SLC25A26: variants seen among roughly 807,000 people sequenced by gnomAD.
SLC25A26 encodes the protein solute carrier family 25 member 26, also known as mitochondrial S-adenosylmethionine carrier protein.
A neutral mutation model predicts 37.8 loss-of-function variants in SLC25A26; 36 were observed. The observed-to-expected ratio is 0.95, with a 90% CI of 0.73 to 1.26. SLC25A26 has a LOEUF of 1.26. SLC25A26 is among the 50% of genes most tolerant of loss of function. The probability of loss-of-function intolerance (pLI) is 0.00; values close to 1 mark genes in which losing one functional copy is unlikely to be tolerated. For synonymous variants in SLC25A26, 129 were observed against 122.5 expected (o/e 1.05, Z -0.35); for missense variants, 390 against 331.1 (o/e 1.18, Z -1.38).
At chr3:66,340,761 A>G (rs185656347) in intron 5 of SLC25A26, among the ~76,000 whole-genome samples, 52 of 152,206 alleles carry the variant, frequency 3.4e-4, no homozygotes, top group African/African-American at 1.2e-3. Context: ...AAATCTTGAA[A>G]TCAAATATTG....
At chr3:66,300,215 G>C (rs562504307) in intron 5 of SLC25A26, among the ~76,000 whole-genome samples, 13 of 148,526 alleles carry the variant, frequency 8.8e-5, no homozygotes, top group African/African-American at 2.7e-4. Flanking sequence ...TCCCGTTACA[G>C]TGAACTCCAG....
At chr3:66,156,140 T>A (rs755172125) in intron 1 of SLC25A26, among the ~76,000 whole-genome samples, 4 of 151,956 alleles carry the variant, frequency 2.6e-5, no homozygotes, top group Non-Finnish European at 5.9e-5. Context: ...ACAGGGAGGA[T>A]TGGAGACTGA....
At chr3:66,291,219 G>T (rs537139499) in intron 5 of SLC25A26, among the ~76,000 whole-genome samples, 1 of 151,888 alleles carries the variant, frequency 6.6e-6, no homozygotes, top group African/African-American at 2.4e-5. Context: ...TTCTTTATTT[G>T]TCTGGCTAGT....
rs1700754270 is a variant in SLC25A26 at position 66,377,675 on chromosome 3, T to TG, written c.708-14dup. On this transcript the variant is annotated splice_polypyrimidine_tract_variant and intron_variant, in intron 9 of 9. Coordinates refer to ENST00000354883, the MANE Select transcript of SLC25A26 (RefSeq NM_001379210.1). Reference sequence around the variant, plus strand: ...AAAATACGCACAACATTAAAAATCCTGTTTTTTCCCCTAGATTATTTGCAG... The same window carrying TG: ...AAAATACGCACAACATTAAAAATCCTGGTTTTTTCCCCTAGATTATTTGCAG... The TG allele has an allele frequency of 6.3e-7, 1 of 1,598,854 alleles. No homozygotes were observed. The highest frequency in any genetic ancestry group is 1.3e-5 in the African/African-American group (1 of 74,522).
At chr3:66,149,540 T>G (rs963559322) in intron 1 of SLC25A26, among the ~76,000 whole-genome samples, 1 of 152,220 alleles carries the variant, frequency 6.6e-6, no homozygotes, top group Non-Finnish European at 1.5e-5. Context: ...CTGAGGGTAA[T>G]AGCAGTTAGA....
chr3:66,176,530 A>G (rs2070589532), intron 1 of SLC25A26, among the ~76,000 whole-genome samples: 1 of 152,208 alleles, frequency 6.6e-6, no homozygotes, highest in African/African-American at 2.4e-5. Context: ...AAAAAATCAA[A>G]TCAGTCTTCT....
chr3:66,172,410 G>GA (rs1199322248), intron 1 of SLC25A26, among the ~76,000 whole-genome samples: 3,107 of 75,246 alleles, frequency 0.041, 160 homozygotes, highest in African/African-American at 0.11. Flanking sequence ...TACCTGTAAA[G>GA]AAAAAAAAAA....
At position 66,378,834 on chromosome 3, in the gene SLC25A26, A is replaced by G. The variant is rs999268370; in HGVS notation, c.*1027A>G. The G allele has an allele frequency of 1.3e-5, 2 of 152,578 alleles. No homozygotes were observed. Among genetic ancestry groups the G allele is most frequent in the East Asian group, 1.9e-4 (1 of 5,206 alleles). 9.5% of individuals were successfully genotyped at this position (152,578 alleles called of 1,614,324 possible). Reference sequence around the variant, plus strand: ...ATGAACCTTTATTAAAGACACTTCAATGCCATTTGTTAGACACTTCAATAT... The same window carrying G: ...ATGAACCTTTATTAAAGACACTTCAGTGCCATTTGTTAGACACTTCAATAT... On this transcript the variant is annotated 3_prime_UTR_variant, in exon 10 of 10. Transcript: ENST00000354883.
intron 1 of SLC25A26, among the ~76,000 whole-genome samples, chr3:66,209,040 G>GTGTA (rs2071228492): frequency 3.0e-5 from 1 of 33,492 alleles, no homozygotes; most frequent in African/African-American, 9.2e-5. Context: ...ATATAAAGGT[G>GTGTA]TATATATATA....
At chr3:66,146,889 T>C (rs1350927493) in intron 1 of SLC25A26, among the ~76,000 whole-genome samples, 1 of 152,130 alleles carries the variant, frequency 6.6e-6, no homozygotes, top group Non-Finnish European at 1.5e-5. Context: ...TGCGGCCTAG[T>C]AGCTTAGCTC....
At chr3:66,289,874 T>C (rs2074645588) in intron 5 of SLC25A26, among the ~76,000 whole-genome samples, 2 of 152,248 alleles carry the variant, frequency 1.3e-5, no homozygotes, top group Admixed American at 1.3e-4. Context: ...GGTAGCTTGA[T>C]GGGAATAACA....
chr3:66,327,081 C>A (rs1313523526), intron 5 of SLC25A26, among the ~76,000 whole-genome samples: 1 of 152,182 alleles, frequency 6.6e-6, no homozygotes, highest in African/African-American at 2.4e-5. Flanking sequence ...AATAGAATGA[C>A]TTCTGCTCTT....
chr3:66,301,459 C>G (rs899800184), intron 5 of SLC25A26, among the ~76,000 whole-genome samples: 8 of 152,312 alleles, frequency 5.3e-5, no homozygotes, highest in African/African-American at 1.9e-4. Context: ...TGCCTTTTGA[C>G]TTCCATGCCG....
chr3:66,301,935 C>A (rs1472116897), intron 5 of SLC25A26, among the ~76,000 whole-genome samples: 1 of 152,118 alleles, frequency 6.6e-6, no homozygotes, highest in African/African-American at 2.4e-5. Context: ...TAATACCAAC[C>A]TCATAAGGTT....
intron 9 of SLC25A26, among the ~76,000 whole-genome samples, chr3:66,376,039 G>GA (rs1308316824): frequency 6.7e-6 from 1 of 148,984 alleles, no homozygotes; most frequent in Non-Finnish European, 1.5e-5. Context: ...GCTGACTAGT[G>GA]GAGGGAAACA....
intron 9 of SLC25A26, among the ~76,000 whole-genome samples, chr3:66,375,119 C>T (rs1010990535): frequency 7.9e-5 from 12 of 152,290 alleles, no homozygotes; most frequent in Middle Eastern, 3.4e-3. Flanking sequence ...AAGATCAGAC[C>T]GGCCACAACA....
At position 66,369,478 on chromosome 3, in the gene SLC25A26, G is replaced by T; in HGVS notation, c.569G>T (p.Gly190Val). 1 of 1,602,630 alleles carries T rather than the reference G, an allele frequency of 6.2e-7. No homozygotes were observed. The highest frequency in any genetic ancestry group is 8.5e-7 in the Non-Finnish European group (1 of 1,174,578). The change falls in exon 8 of 10, where the codon GGT becomes GTT. Residue 190 changes from glycine (G) to valine (V), a missense_variant and splice_region_variant. Physicochemically the swap from Gly to Val is moderately radical, Grantham distance 109 (BLOSUM62 -3). Transcript: ENST00000354883. The stretch of plus-strand genomic sequence containing the variant: ...TGGGTGTTGGGTATTATTTGTACAG[G>T]TGGATTTGCCGCTGCAGTCACCACC... ...WQSAVCGAFAGGFAAAVTTPL... is the reference protein window; with the variant it reads ...WQSAVCGAFAVGFAAAVTTPL...
At chr3:66,269,680 G>T (rs1369931827) in intron 5 of SLC25A26, among the ~76,000 whole-genome samples, 1 of 151,984 alleles carries the variant, frequency 6.6e-6, no homozygotes, top group East Asian at 1.9e-4. Context: ...CTGTCCTTAA[G>T]GCTCTATATA....
At chr3:66,322,639 A>G (rs1050866913) in intron 5 of SLC25A26, among the ~76,000 whole-genome samples, 5 of 152,250 alleles carry the variant, frequency 3.3e-5, no homozygotes, top group Non-Finnish European at 5.9e-5. Context: ...CAGTGACAAC[A>G]TGTGGTTTTA....
Sources: gnomAD v4.1 joint callset for allele counts (sites outside exome capture counted in the v4.1 genomes callset) on GRCh38, gnomAD v4.1.1 for gene constraint, MANE v1.5 for transcripts, NCBI Gene and HGNC (gene_info 2026-07-23, HGNC 2026-07-21) for gene names.